SH3PXD2A: variants seen among roughly 807,000 people sequenced by gnomAD.
The protein encoded by SH3PXD2A is SH3 and PX domain-containing protein 2A.
A neutral mutation model predicts 115.2 loss-of-function variants in SH3PXD2A; 32 were observed. The ratio of observed to expected loss-of-function variants is 0.28; its 90% CI spans 0.21 to 0.37. SH3PXD2A has a LOEUF of 0.37. Ranked by LOEUF, SH3PXD2A falls within the 10% of genes least tolerant of loss-of-function variation. The pLI, the probability that SH3PXD2A is intolerant of heterozygous loss-of-function variation, is 1.00. For synonymous variants in SH3PXD2A, 610 were observed against 629.1 expected (o/e 0.97, Z 0.45); for missense variants, 1,328 against 1,498.7 (o/e 0.89, Z 1.88).
At chr10:103,852,093 G>A (rs1842902144) in intron 1 of SH3PXD2A, among the ~76,000 whole-genome samples, 1 of 152,160 alleles carries the variant, frequency 6.6e-6, no homozygotes, top group Admixed American at 6.5e-5. Context: ...GTTTACCTAG[G>A]GTCTCCCCAG....
At chr10:103,775,695 T>C (rs926395444) in intron 2 of SH3PXD2A, among the ~76,000 whole-genome samples, 2 of 152,092 alleles carry the variant, frequency 1.3e-5, no homozygotes, top group Non-Finnish European at 2.9e-5. Flanking sequence ...GGGTGGAGGC[T>C]CCTGATCATT....
chr10:103,626,973 G>A (rs970220149), intron 9 of SH3PXD2A, 116 bp downstream of exon 9: 9 of 637,474 alleles, frequency 1.4e-5, no homozygotes, highest in Admixed American at 2.5e-5. Context: ...CCCAAGGGAG[G>A]AGGCTAGGAT....
chr10:103,811,439 A>G (rs2039269828), intron 1 of SH3PXD2A, among the ~76,000 whole-genome samples: 1 of 152,254 alleles, frequency 6.6e-6, no homozygotes, highest in African/African-American at 2.4e-5. Context: ...CTTACTCTTT[A>G]CAATAGTCCT....
intron 2 of SH3PXD2A, among the ~76,000 whole-genome samples, chr10:103,795,131 C>T (rs998657929): frequency 1.6e-4 from 25 of 152,342 alleles, no homozygotes; most frequent in African/African-American, 5.5e-4. Context: ...CCACTAGCCA[C>T]GGCCGCCACT....
chr10:103,767,588 A>T (rs2038767647), intron 2 of SH3PXD2A, among the ~76,000 whole-genome samples: 1 of 152,126 alleles, frequency 6.6e-6, no homozygotes, highest in South Asian at 2.1e-4. Flanking sequence ...GGATGGGGGA[A>T]GGCCCCACCT....
Position 103,668,599 on chromosome 10 carries a change from G to T in SH3PXD2A, c.472+9C>A. The T allele has an allele frequency of 6.4e-7, 1 of 1,552,824 alleles. No homozygotes were observed. Among genetic ancestry groups the T allele is most frequent in the Non-Finnish European group, 8.7e-7 (1 of 1,147,426 alleles). On this transcript the variant is annotated intron_variant, in intron 7 of 14. Coordinates refer to ENST00000369774, the MANE Select transcript of SH3PXD2A (RefSeq NM_001394015.1). ...ATGCTCACACACATGCATGCACGCT[G>T]GGCAGTACCTGTCACGTCCTTCTTG...
intron 1 of SH3PXD2A, among the ~76,000 whole-genome samples, chr10:103,837,988 C>T (rs570866823): frequency 1.7e-4 from 26 of 152,280 alleles, no homozygotes; most frequent in African/African-American, 6.0e-4. Context: ...CTACCGGATG[C>T]CTCATGGTGT....
intron 6 of SH3PXD2A, among the ~76,000 whole-genome samples, chr10:103,672,960 A>C (rs1196515999): frequency 2.6e-5 from 4 of 152,198 alleles, no homozygotes; most frequent in African/African-American, 9.7e-5. Flanking sequence ...AGGGGCCTGG[A>C]GATTCCGGCC....
intron 2 of SH3PXD2A, among the ~76,000 whole-genome samples, chr10:103,799,967 G>C (rs966187576): frequency 6.6e-6 from 1 of 152,172 alleles, no homozygotes; most frequent in African/African-American, 2.4e-5. Flanking sequence ...CTCATAGGTA[G>C]GGCAATGAGG....
At position 103,762,433 on chromosome 10, in the gene SH3PXD2A, G is replaced by A. The variant is rs578033554; in HGVS notation, c.229+4661C>T. 8.5e-5 allele frequency among the ~76,000 whole-genome samples: 13 copies of A among 152,326 alleles called. No homozygotes were observed. The South Asian group carries it at 2.5e-3, about 29-fold the overall frequency. On this transcript the variant is annotated intron_variant, in intron 3 of 14. Transcript: ENST00000369774. ...CTGCAAAGGCCAGCAAAAGAGATGGGTGTGTCTCCCTCAGTCTCACATAAT... is the reference window on the plus strand; with the variant it reads ...CTGCAAAGGCCAGCAAAAGAGATGGATGTGTCTCCCTCAGTCTCACATAAT...
intron 6 of SH3PXD2A, among the ~76,000 whole-genome samples, chr10:103,684,075 G>A (rs1043859251): frequency 6.6e-5 from 10 of 152,220 alleles, no homozygotes; most frequent in Non-Finnish European, 1.3e-4. Flanking sequence ...GCCCAGGGAG[G>A]GCCAGAGAGC....
chr10:103,702,469 C>T (rs1234576859), intron 5 of SH3PXD2A, among the ~76,000 whole-genome samples: 1 of 152,124 alleles, frequency 6.6e-6, no homozygotes, highest in Non-Finnish European at 1.5e-5. Flanking sequence ...GAAGATGGGG[C>T]ACTAGAGCTA....
intron 1 of SH3PXD2A, among the ~76,000 whole-genome samples, chr10:103,830,004 C>G (rs1242702756): frequency 6.6e-6 from 1 of 152,224 alleles, no homozygotes; most frequent in Non-Finnish European, 1.5e-5. Context: ...AGCTCCACCC[C>G]CACCCCAGGT....
chr10:103,663,697 T>TG (rs1414048348), intron 7 of SH3PXD2A, among the ~76,000 whole-genome samples: 1 of 152,182 alleles, frequency 6.6e-6, no homozygotes, highest in African/African-American at 2.4e-5. Flanking sequence ...GGTCCTTCTG[T>TG]AGGGGGAGGC....
chr10:103,762,615 G>A (rs543559987), intron 3 of SH3PXD2A, among the ~76,000 whole-genome samples: 1 of 152,230 alleles, frequency 6.6e-6, no homozygotes, highest in South Asian at 2.1e-4. Context: ...TGCCTTGCTG[G>A]AGAACTGCCA....
chr10:103,825,927 C>T (rs1255772934), intron 1 of SH3PXD2A, among the ~76,000 whole-genome samples: 1 of 152,086 alleles, frequency 6.6e-6, no homozygotes, highest in African/African-American at 2.4e-5. Context: ...CCACGCCCGG[C>T]TAATTTTTTG....
intron 8 of SH3PXD2A, among the ~76,000 whole-genome samples, chr10:103,634,117 C>A (rs1390657100): frequency 6.6e-6 from 1 of 152,236 alleles, no homozygotes; most frequent in Non-Finnish European, 1.5e-5. Context: ...GAGCTTCCAG[C>A]TGCCTGTGAG....
At chr10:103,767,805 G>GT (rs1564884148) in intron 2 of SH3PXD2A, among the ~76,000 whole-genome samples, 2 of 92,668 alleles carry the variant, frequency 2.2e-5, no homozygotes, top group South Asian at 3.8e-4. Flanking sequence ...AGGAACAACT[G>GT]TTTTGTTTTT....
chr10:103,814,479 G>A (rs2039303603), intron 1 of SH3PXD2A, among the ~76,000 whole-genome samples: 1 of 152,192 alleles, frequency 6.6e-6, no homozygotes, highest in Non-Finnish European at 1.5e-5. Flanking sequence ...CAGCGATGGG[G>A]AAGCAGGTCT....
Sources: allele counts gnomAD v4.1 joint callset (sites outside exome capture counted in the v4.1 genomes callset), GRCh38; gene constraint gnomAD v4.1.1; transcripts MANE v1.5; gene names NCBI Gene and HGNC (gene_info 2026-07-23, HGNC 2026-07-21).